The following KIAA1549L variants were observed in gnomAD, a reference collection of about 807,000 sequenced individuals.
KIAA1549L encodes the protein KIAA1549 like.
In KIAA1549L, 88 loss-of-function variants were observed where a neutral mutation model predicts 160.7. The ratio of observed to expected loss-of-function variants is 0.55; its 90% CI spans 0.46 to 0.65. KIAA1549L has a LOEUF of 0.65. Among genes scored for constraint, KIAA1549L ranks in the 30% least tolerant of loss-of-function variants. The pLI is 0.00. For synonymous variants in KIAA1549L, 950 were observed against 976.7 expected, an observed-to-expected ratio of 0.97 and a Z score of 0.51; for missense variants, 2,258 against 2,437.5, an observed-to-expected ratio of 0.93 and a Z score of 1.55.
chr11:33,439,636 C>T (rs1297255090), intron 1 of KIAA1549L, among the ~76,000 whole-genome samples: 1 of 147,236 alleles, frequency 6.8e-6, no homozygotes, highest in East Asian at 2.0e-4. Context: ...TGGTCTCGAT[C>T]TCCTGACCTC....
intron 6 of KIAA1549L, among the ~76,000 whole-genome samples, chr11:33,557,937 C>A (rs1235812136): frequency 1.3e-5 from 2 of 151,004 alleles, no homozygotes; most frequent in African/African-American, 2.5e-5. Context: ...AGAGAGAGAT[C>A]GATTGATCAA....
chr11:33,573,305 A>C (rs901730918), intron 9 of KIAA1549L, among the ~76,000 whole-genome samples: 1 of 152,048 alleles, frequency 6.6e-6, no homozygotes, highest in Admixed American at 6.5e-5. Flanking sequence ...CCCTCTTCAG[A>C]GTTTAGAGTG....
At chr11:33,501,012 A>G (rs2133086643) in intron 1 of KIAA1549L, among the ~76,000 whole-genome samples, 1 of 152,264 alleles carries the variant, frequency 6.6e-6, no homozygotes, top group Admixed American at 6.5e-5. Flanking sequence ...AAAAAACCAA[A>G]GACATACTCC....
At chr11:33,449,618 G>A (rs959769900) in intron 1 of KIAA1549L, among the ~76,000 whole-genome samples, 2 of 152,180 alleles carry the variant, frequency 1.3e-5, no homozygotes, top group Non-Finnish European at 2.9e-5. Context: ...GTCTGCCAAT[G>A]AGTCTGACAA....
At chr11:33,484,954 T>G (rs972614429) in intron 1 of KIAA1549L, among the ~76,000 whole-genome samples, 4 of 152,214 alleles carry the variant, frequency 2.6e-5, no homozygotes. Flanking sequence ...CAGCTTCCTC[T>G]ATTTAATCCC....
At chr11:33,650,644 G>T (rs1002067451) in intron 17 of KIAA1549L, among the ~76,000 whole-genome samples, 1 of 152,050 alleles carries the variant, frequency 6.6e-6, no homozygotes, top group Non-Finnish European at 1.5e-5. Flanking sequence ...TACTCAACAC[G>T]CCGTCACCAG....
intron 9 of KIAA1549L, among the ~76,000 whole-genome samples, chr11:33,572,358 A>C (rs2133242838): frequency 6.6e-6 from 1 of 152,290 alleles, no homozygotes; most frequent in Non-Finnish European, 1.5e-5. Context: ...ACTTGTAGAA[A>C]AGTTGATAAA....
intron 12 of KIAA1549L, among the ~76,000 whole-genome samples, chr11:33,593,869 A>C (rs796858866): frequency 4.0e-4 from 61 of 152,208 alleles, no homozygotes; most frequent in African/African-American, 1.4e-3. Context: ...TAAATGTAGG[A>C]GTGGTCAGTG....
In KIAA1549L at chr11:33,545,288, C is replaced by T; in HGVS notation, c.3295C>T (p.Leu1099Phe). The T allele has an allele frequency of 1.9e-6, 3 of 1,613,950 alleles. No homozygotes were observed. Among genetic ancestry groups the T allele is most frequent in the Non-Finnish European group, 2.5e-6 (3 of 1,179,888 alleles). Residue 1099 changes from leucine (L) to phenylalanine (F), a missense_variant, in exon 3 of 21, where the codon CTT (leucine) becomes TTT (phenylalanine). This residue lies in a region of KIAA1549L where 1,359 missense variants were observed against 1,546.6 expected (regional missense o/e 0.88). Transcript: ENST00000658780. ...PLRAENTDAV[L>F]PAASAAVVTT... ...GCGAGCAGAAAACACAGATGCTGTC[C>T]TTCCTGCTGCATCGGCTGCAGTGGT... is the stretch of plus-strand genomic sequence containing the variant.
intron 9 of KIAA1549L, among the ~76,000 whole-genome samples, chr11:33,571,072 C>T (rs963575406): frequency 2.4e-4 from 36 of 152,356 alleles, no homozygotes; most frequent in African/African-American, 7.7e-4. Context: ...ATCACAAGGT[C>T]AAGAGATGGA....
chr11:33,474,635 C>T (rs1267454784), intron 1 of KIAA1549L, among the ~76,000 whole-genome samples: 1 of 152,236 alleles, frequency 6.6e-6, no homozygotes, highest in African/African-American at 2.4e-5. Context: ...GCCCCTTGGG[C>T]TCCTAACTTC....
chr11:33,471,365 A>G (rs1406156250), intron 1 of KIAA1549L, among the ~76,000 whole-genome samples: 1 of 152,130 alleles, frequency 6.6e-6, no homozygotes, highest in Admixed American at 6.6e-5. Context: ...TAGTTCTCTA[A>G]GTCATGCAGT....
chr11:33,388,144 T>G (rs1205243873), intron 1 of KIAA1549L, among the ~76,000 whole-genome samples: 1 of 152,134 alleles, frequency 6.6e-6, no homozygotes, highest in Non-Finnish European at 1.5e-5. Context: ...TGCCCGAGAC[T>G]GAGTAATTTA....
At chr11:33,556,529 G>A (rs1403770172) in intron 6 of KIAA1549L, among the ~76,000 whole-genome samples, 1 of 152,188 alleles carries the variant, frequency 6.6e-6, no homozygotes, top group East Asian at 1.9e-4. Flanking sequence ...TTTTAAAAAG[G>A]AAATTCTGAT....
At chr11:33,513,956 T>C (rs560449358) in intron 1 of KIAA1549L, among the ~76,000 whole-genome samples, 1 of 152,200 alleles carries the variant, frequency 6.6e-6, no homozygotes, top group Non-Finnish European at 1.5e-5. Flanking sequence ...TCCTAGATTA[T>C]TATGCTCCTA....
At chr11:33,463,004 A>G (rs371573205) in intron 1 of KIAA1549L, among the ~76,000 whole-genome samples, 14 of 151,490 alleles carry the variant, frequency 9.2e-5, no homozygotes, top group East Asian at 3.9e-4. Context: ...TTCTTTTTCT[A>G]TTTTTTGTAG....
intron 20 of KIAA1549L, among the ~76,000 whole-genome samples, chr11:33,663,998 G>T (rs1852354791): frequency 6.6e-6 from 1 of 152,148 alleles, no homozygotes; most frequent in East Asian, 1.9e-4. Context: ...TTGGTTCTTT[G>T]GTGAGCCCAA....
Position 33,606,803 on chromosome 11 carries a change from C to T in KIAA1549L, c.5042C>T (p.Ser1681Leu), listed in dbSNP as rs1421739831. Reference sequence around the variant, plus strand: ...ACCTCGGACAGGAGCCAGGAGTCATCGGCAGTCCTCAACGGCGAGGTAAGT... The same window carrying T: ...ACCTCGGACAGGAGCCAGGAGTCATTGGCAGTCCTCAACGGCGAGGTAAGT... ...PPTSDRSQES[S>L]AVLNGEVNKA... The change falls in exon 14 of 21, where the codon TCG becomes TTG. Residue 1681 changes from serine (S) to leucine (L), a missense_variant. Around this residue, in one of 6 missense-constraint regions of KIAA1549L, gnomAD observed 1,359 missense variants for 1,546.6 expected, o/e 0.88. Coordinates refer to ENST00000658780, the MANE Select transcript of KIAA1549L (RefSeq NM_012194.3). 10 of 1,609,972 alleles carry T rather than the reference C, an allele frequency of 6.2e-6. No homozygotes were observed. The highest frequency in any genetic ancestry group is 1.7e-5 in the Admixed American group (1 of 59,478).
At chr11:33,490,805 A>G (rs79050452) in intron 1 of KIAA1549L, among the ~76,000 whole-genome samples, 16,056 of 152,172 alleles carry the variant, frequency 0.11, 1,038 homozygotes, top group East Asian at 0.32. Context: ...ATGCCCGTGA[A>G]TTACCTGGGA....
Sources: allele counts gnomAD v4.1 joint callset (sites outside exome capture counted in the v4.1 genomes callset), GRCh38; gene constraint gnomAD v4.1.1; regional missense constraint gnomAD v4.1.1; transcripts MANE v1.5; gene names NCBI Gene and HGNC (gene_info 2026-07-23, HGNC 2026-07-21).